HELQ: variants seen among roughly 807,000 people sequenced by gnomAD.
HELQ encodes the protein helicase, POLQ like.
A neutral mutation model predicts 111.6 loss-of-function variants in HELQ; 77 were observed. The observed-to-expected ratio is 0.69, with a 90% CI of 0.57 to 0.83. The LOEUF (loss-of-function observed/expected upper bound fraction) is 0.83, where lower values mean the gene tolerates loss of function less well. HELQ is among the 40% of genes least tolerant of loss of function. The probability of loss-of-function intolerance (pLI) is 0.00; values close to 1 mark genes in which losing one functional copy is unlikely to be tolerated. For missense variants in HELQ, 1,200 were observed against 1,288.5 expected, an observed-to-expected ratio of 0.93 and a Z score of 1.05; for synonymous variants, 438 against 454.7, an observed-to-expected ratio of 0.96 and a Z score of 0.47.
Position 83,416,751 on chromosome 4 carries a change from G to A in HELQ, c.3178C>T (p.Gln1060Ter). The A allele has an allele frequency of 6.2e-7, 1 of 1,612,238 alleles. No homozygotes were observed. Among genetic ancestry groups the A allele is most frequent in the Non-Finnish European group, 8.5e-7 (1 of 1,179,586 alleles). Residue 1060 changes from glutamine to a stop codon, truncating the protein, a stop_gained, in exon 17 of 18, where the codon CAA (glutamine) becomes TAA (stop). Transcript: ENST00000295488. LOFTEE classifies it low-confidence loss of function (END_TRUNC). ...CTTACCTTTGCTGATGAAACAATTT[G>A]CTTGGCTTGGCGTCTTGATAAATGA... ...IDHLSRRQAK[Q>*]IVSSAKMLLH...
chr4:83,422,880 G>A (rs957203011), intron 14 of HELQ, among the ~76,000 whole-genome samples: 1 of 152,118 alleles, frequency 6.6e-6, no homozygotes, highest in African/African-American at 2.4e-5. Context: ...AGATAAATAT[G>A]TTAATAAGCT....
At chr4:83,446,139 A>C in intron 4 of HELQ, 53 bp from the exon 5 acceptor site, 31 of 1,146,260 alleles carry the variant, frequency 2.7e-5, no homozygotes, top group Non-Finnish European at 3.9e-5. Flanking sequence ...TATAGTGCTC[A>C]TATAAAACAT....
At chr4:83,452,203 C>T (rs928980993) in intron 2 of HELQ, among the ~76,000 whole-genome samples, 1 of 152,186 alleles carries the variant, frequency 6.6e-6, no homozygotes, top group African/African-American at 2.4e-5. Flanking sequence ...TTGAATGTGG[C>T]CCAACACAAA....
At chr4:83,448,040 T>C (rs1261623120) in intron 3 of HELQ, among the ~76,000 whole-genome samples, 1 of 151,340 alleles carries the variant, frequency 6.6e-6, no homozygotes, top group Non-Finnish European at 1.5e-5. Context: ...TGAAAACCCA[T>C]CTCTACTAAA....
intron 12 of HELQ, among the ~76,000 whole-genome samples, chr4:83,428,486 A>G (rs1469744181): frequency 1.3e-5 from 2 of 152,162 alleles, no homozygotes; most frequent in Non-Finnish European, 2.9e-5. Context: ...ATTTGAGCCC[A>G]GGAGACGAAG....
chr4:83,437,128 C>A, intron 8 of HELQ, 31 bp from the exon 9 acceptor site: 1 of 1,596,840 alleles, frequency 6.3e-7, no homozygotes, highest in Non-Finnish European at 8.5e-7. Context: ...AAATATGAGC[C>A]CTTGATCTTT....
Position 83,453,354 on chromosome 4 carries a change from C to CA in HELQ, c.888dup (p.Glu297Ter). On this transcript the variant is annotated frameshift_variant, in exon 2 of 18. Transcript: ENST00000295488. LOFTEE classifies it high-confidence loss of function. Reference sequence around the variant, plus strand: ...GTTTTCTTAGCAACATTAATTTCCTCAGATAGGAGAGTGTCTTTGAGCTGT... The same window carrying CA: ...GTTTTCTTAGCAACATTAATTTCCTCAAGATAGGAGAGTGTCTTTGAGCTGT... 1 of 1,612,884 alleles carries CA rather than the reference C, an allele frequency of 6.2e-7. No homozygotes were observed. The highest frequency in any genetic ancestry group is 8.5e-7 in the Non-Finnish European group (1 of 1,179,658).
intron 4 of HELQ, 112 bp downstream of exon 4, chr4:83,446,723 T>G: frequency 1.6e-6 from 1 of 631,048 alleles, no homozygotes; most frequent in Non-Finnish European, 2.7e-6. Flanking sequence ...TATTTTCAAA[T>G]AAATTTATTT....
At chr4:83,412,707 C>T (rs1440120584) in intron 17 of HELQ, among the ~76,000 whole-genome samples, 1 of 152,066 alleles carries the variant, frequency 6.6e-6, no homozygotes, top group Non-Finnish European at 1.5e-5. Flanking sequence ...GTCTCTATTC[C>T]TAGCTACTCA....
chr4:83,420,191 T>C (rs575965118), intron 15 of HELQ, among the ~76,000 whole-genome samples: 1 of 152,366 alleles, frequency 6.6e-6, no homozygotes, highest in South Asian at 2.1e-4. Context: ...TCTGAAAGCT[T>C]ATTTTAATAA....
At chr4:83,438,508 TG>T (rs563242302) in intron 8 of HELQ, among the ~76,000 whole-genome samples, 1 of 151,762 alleles carries the variant, frequency 6.6e-6, no homozygotes, top group Non-Finnish European at 1.5e-5. Flanking sequence ...TGGGAGGCTA[TG>T]GGGGGCGGAT....
intron 14 of HELQ, among the ~76,000 whole-genome samples, chr4:83,422,610 G>A (rs551612273): frequency 2.0e-5 from 3 of 152,318 alleles, no homozygotes; most frequent in African/African-American, 7.2e-5. Context: ...CTAGGAAAGA[G>A]GCACGGATGG....
intron 17 of HELQ, among the ~76,000 whole-genome samples, chr4:83,408,762 G>A (rs147744697): frequency 4.3e-4 from 65 of 151,360 alleles, no homozygotes; most frequent in African/African-American, 1.5e-3. Flanking sequence ...GATCCAGATG[G>A]GGTTGAGAAA....
intron 16 of HELQ, among the ~76,000 whole-genome samples, chr4:83,417,793 G>A (rs988229956): frequency 6.6e-6 from 1 of 151,936 alleles, no homozygotes; most frequent in African/African-American, 2.4e-5. Context: ...AAGGAGTGGA[G>A]GAAGGAAGAA....
At chr4:83,445,382 G>A (rs1321439705) in intron 5 of HELQ, among the ~76,000 whole-genome samples, 4 of 152,150 alleles carry the variant, frequency 2.6e-5, no homozygotes, top group East Asian at 3.9e-4. Flanking sequence ...AAATATTATT[G>A]CTGTTGAAAT....
intron 17 of HELQ, among the ~76,000 whole-genome samples, chr4:83,415,188 G>T (rs765758864): frequency 6.6e-6 from 1 of 152,312 alleles, no homozygotes; most frequent in Non-Finnish European, 1.5e-5. Context: ...TACCCACAGG[G>T]AGCAGAAGGC....
chr4:83,447,403 G>C (rs1721110445), intron 3 of HELQ, among the ~76,000 whole-genome samples: 1 of 152,042 alleles, frequency 6.6e-6, no homozygotes, highest in Non-Finnish European at 1.5e-5. Context: ...CCCATTAGGT[G>C]CTCATGGGGT....
chr4:83,410,087 C>T (rs996979007), intron 17 of HELQ, among the ~76,000 whole-genome samples: 4 of 151,942 alleles, frequency 2.6e-5, no homozygotes, highest in Non-Finnish European at 4.4e-5. Flanking sequence ...CAAGCCTCTA[C>T]AACAACAACA....
chr4:83,432,100 A>C (rs1211704181), intron 10 of HELQ, 26 bp downstream of exon 10: 1 of 1,530,104 alleles, frequency 6.5e-7, no homozygotes, highest in Non-Finnish European at 8.8e-7. Flanking sequence ...AGACAAAAAC[A>C]ACCAACCAAC....
Sources: gnomAD v4.1 joint callset for allele counts (sites outside exome capture counted in the v4.1 genomes callset) on GRCh38, gnomAD v4.1.1 for gene constraint, MANE v1.5 for transcripts, NCBI Gene and HGNC (gene_info 2026-07-23, HGNC 2026-07-21) for gene names.